The following RASSF3 variants were observed in gnomAD, a reference collection of about 807,000 sequenced individuals.
The protein encoded by RASSF3 is Ras association domain family member 3.
Under a neutral mutation model 19.9 loss-of-function variants are expected in RASSF3, and 19 were observed. The ratio of observed to expected loss-of-function variants is 0.96; its 90% confidence interval spans 0.67 to 1.40. The LOEUF (loss-of-function observed/expected upper bound fraction) is 1.40, where lower values mean the gene tolerates loss of function less well. Ranked by LOEUF, RASSF3 falls within the 40% of genes most tolerant of loss-of-function variation. The probability of loss-of-function intolerance (pLI) is 0.00; values close to 1 mark genes in which losing one functional copy is unlikely to be tolerated. For synonymous variants in RASSF3, 110 were observed against 104.2 expected, an observed-to-expected ratio of 1.06 and a Z score of -0.34; for missense variants, 306 against 289.8, an observed-to-expected ratio of 1.06 and a Z score of -0.41.
chr12:64,576,867 A>AC (rs1201230581), intron 2 of RASSF3, among the ~76,000 whole-genome samples: 17 of 151,884 alleles, frequency 1.1e-4, no homozygotes, highest in Admixed American at 9.2e-4. Context: ...AAAAAAAAAA[A>AC]AAACTTGATG....
intron 1 of RASSF3, among the ~76,000 whole-genome samples, chr12:64,535,705 T>A (rs1403205577): frequency 1.4e-5 from 2 of 147,236 alleles, no homozygotes; most frequent in African/African-American, 5.1e-5. Flanking sequence ...TTTTTTTTTT[T>A]AGACGGAGTT....
intron 1 of RASSF3, among the ~76,000 whole-genome samples, chr12:64,640,532 A>C (rs539997443): frequency 7.9e-5 from 12 of 152,352 alleles, no homozygotes; most frequent in Admixed American, 5.2e-4. Flanking sequence ...TAGATAAACC[A>C]CATAAAAGTG....
intron 1 of RASSF3, among the ~76,000 whole-genome samples, chr12:64,644,402 A>G (rs1403556121): frequency 1.3e-5 from 2 of 152,100 alleles, no homozygotes; most frequent in African/African-American, 2.4e-5. Flanking sequence ...TTTACATATC[A>G]ATATGTTTTC....
At chr12:64,543,904 T>C (rs1217595440), downstream of RASSF3, among the ~76,000 whole-genome samples, 2 of 151,944 alleles carry the variant, frequency 1.3e-5, no homozygotes, top group Non-Finnish European at 1.5e-5. Flanking sequence ...TGGAGAACTT[T>C]TGTGTCTATC....
At chr12:64,542,278 A>G (rs1868946792), downstream of RASSF3, among the ~76,000 whole-genome samples, 1 of 152,194 alleles carries the variant, frequency 6.6e-6, no homozygotes, top group South Asian at 2.1e-4. Flanking sequence ...CATTAAGCTG[A>G]GATTCTGCCA....
At position 64,577,766 on chromosome 12, in the gene RASSF3, G is replaced by A. The variant is rs114559812; in HGVS notation, c.294+36061G>A. 1.7e-3 allele frequency among the ~76,000 whole-genome samples: 260 copies of A among 152,046 alleles called. 1 individual carries two copies. The highest frequency in any genetic ancestry group is 6.1e-3 in the African/African-American group (253 of 41,488). ...TCAAAAACAAAAACAAAAAACAGTA[G>A]GAGTGCTGTTATGTTGTCAGACATT... On this transcript the variant is annotated intron_variant, in intron 2 of 5. Transcript: ENST00000637125.
chr12:64,539,503 G>A (rs994394333), intron 1 of RASSF3, among the ~76,000 whole-genome samples: 1 of 152,112 alleles, frequency 6.6e-6, no homozygotes, highest in Non-Finnish European at 1.5e-5. Flanking sequence ...TTGCCTGGGT[G>A]CGGTGGCTTA....
upstream of RASSF3, among the ~76,000 whole-genome samples, chr12:64,532,980 C>A (rs1479735401): frequency 6.6e-6 from 1 of 152,212 alleles, no homozygotes; most frequent in African/African-American, 2.4e-5. Flanking sequence ...CCTTAACCAC[C>A]TCCACAGGCA....
chr12:64,619,936 C>T (rs1220807777), intron 1 of RASSF3, among the ~76,000 whole-genome samples: 5 of 148,122 alleles, frequency 3.4e-5, no homozygotes, highest in Non-Finnish European at 1.5e-5. Context: ...GCCGAGATTG[C>T]GCCACTGCAC....
chr12:64,675,474 T>A (rs2136210967), intron 1 of RASSF3, among the ~76,000 whole-genome samples: 1 of 152,232 alleles, frequency 6.6e-6, no homozygotes, highest in African/African-American at 2.4e-5. Flanking sequence ...CAGGATTTCT[T>A]AGAGTCTTTA....
intron 1 of RASSF3, among the ~76,000 whole-genome samples, chr12:64,663,934 A>AT (rs1476446638): frequency 6.7e-6 from 1 of 150,036 alleles, no homozygotes; most frequent in African/African-American, 2.5e-5. Context: ...ATAAACCTAT[A>AT]TATAAAATAT....
upstream of RASSF3, among the ~76,000 whole-genome samples, chr12:64,530,333 T>C (rs890415727): frequency 3.3e-5 from 5 of 149,954 alleles, no homozygotes; most frequent in African/African-American, 9.8e-5. Context: ...CATAGAGACA[T>C]GGTCTCACCA....
At position 64,520,555 on chromosome 12, in the gene RASSF3, CATAT is replaced by C. The variant is rs66975333; in HGVS notation, c.169+13263_169+13266del. Among the ~76,000 whole-genome samples the C allele has an allele frequency of 7.7e-3, 666 of 86,318 alleles. 3 individuals carry two copies. Among genetic ancestry groups the C allele is most frequent in the Non-Finnish European group, 0.01 (419 of 40,192 alleles). 56.6% of individuals were successfully genotyped at this position (86,318 alleles called of 152,430 possible). On this transcript the variant is annotated intron_variant, in intron 1 of 5. Coordinates refer to the RASSF3 transcript ENST00000637125. Reference sequence around the variant, plus strand: ...ACACACACAGATACACACATACACACATATATATATATATATATATATATATATA... The same window carrying C: ...ACACACACAGATACACACATACACACATATATATATATATATATATATATA...
rs1260199802 is a variant in RASSF3 at position 64,692,288 on chromosome 12, T to A, written c.567+709T>A. Among the ~76,000 whole-genome samples, 3 of 152,300 alleles carry A rather than the reference T, an allele frequency of 2.0e-5. No homozygotes were observed. The East Asian group carries it at 5.8e-4, about 29-fold the overall frequency. ...ATGTCCTACATGGTGCAATTGAGAA[T>A]AGGGTTTCTAGGTTAAAAGTTAGGA... On this transcript the variant is annotated intron_variant, in intron 4 of 4. Coordinates refer to ENST00000542104, the MANE Select transcript of RASSF3 (RefSeq NM_178169.4).
chr12:64,629,792 C>T (rs530763665), intron 1 of RASSF3: 2 of 151,346 alleles, frequency 1.3e-5, no homozygotes, highest in South Asian at 4.2e-4. Context: ...TGATGAAACC[C>T]CATCTCTACT....
At chr12:64,585,936 C>G (rs549385212) in intron 2 of RASSF3, among the ~76,000 whole-genome samples, 26 of 152,118 alleles carry the variant, frequency 1.7e-4, no homozygotes, top group Non-Finnish European at 3.2e-4. Flanking sequence ...AGTAGAGAGT[C>G]TCTACAAAAA....
At chr12:64,527,937 AAAAT>A (rs977491588) in intron 1 of RASSF3, among the ~76,000 whole-genome samples, 6 of 151,452 alleles carry the variant, frequency 4.0e-5, no homozygotes, top group African/African-American at 1.5e-4. Context: ...TCTGTCTCAA[AAAAT>A]AAATAAATAA....
At chr12:64,579,187 G>T (rs571582415) in intron 2 of RASSF3, among the ~76,000 whole-genome samples, 69 of 151,984 alleles carry the variant, frequency 4.5e-4, no homozygotes, top group Non-Finnish European at 8.8e-4. Context: ...TGACACAACC[G>T]TGTTAGAAAG....
At chr12:64,532,247 A>T (rs1316200020), upstream of RASSF3, among the ~76,000 whole-genome samples, 1 of 152,216 alleles carries the variant, frequency 6.6e-6, no homozygotes, top group African/African-American at 2.4e-5. Context: ...TGGTTGAAGA[A>T]TGCTGCTGAG....
Sources: allele counts gnomAD v4.1 joint callset (sites outside exome capture counted in the v4.1 genomes callset), GRCh38; gene constraint gnomAD v4.1.1; transcripts MANE v1.5; gene names NCBI Gene and HGNC (gene_info 2026-07-23, HGNC 2026-07-21).